The following TRMT11 variants were observed in gnomAD, a reference collection of about 807,000 sequenced individuals.
TRMT11 encodes the protein tRNA (guanine(10)-N(2))-methyltransferase TRMT11.
TRMT11 carries 53 observed loss-of-function variants against 62.8 expected under a neutral mutation model. That is an observed-to-expected ratio of 0.84 (90% CI 0.68 to 1.06). The LOEUF (loss-of-function observed/expected upper bound fraction) is 1.06, where lower values mean the gene tolerates loss of function less well. TRMT11 is among the 50% of genes least tolerant of loss of function. The pLI, the probability that TRMT11 is intolerant of heterozygous loss-of-function variation, is 0.00. For synonymous variants in TRMT11, 188 were observed against 190.3 expected, an observed-to-expected ratio of 0.99 and a Z score of 0.10; for missense variants, 556 against 553.4, an observed-to-expected ratio of 1.00 and a Z score of -0.05.
At chr6:126,267,187 A>G in the TRMT11 span, among the ~76,000 whole-genome samples, 5 of 152,210 alleles carry the variant, frequency 3.3e-5, no homozygotes, top group African/African-American at 1.2e-4. Context: ...AGTCAAGGTC[A>G]CAGTTTCTTA....
chr6:126,062,164 G>T (rs1387487299), intron 17 of TRMT11, among the ~76,000 whole-genome samples: 2 of 152,204 alleles, frequency 1.3e-5, no homozygotes, highest in African/African-American at 4.8e-5. Flanking sequence ...GCGATCACAG[G>T]TGTGAGCCAC....
chr6:126,064,792 T>C (rs1003248242), intron 17 of TRMT11, among the ~76,000 whole-genome samples: 9 of 152,244 alleles, frequency 5.9e-5, no homozygotes, highest in Non-Finnish European at 1.0e-4. Flanking sequence ...ATGTTTACTT[T>C]AAAAATCTGT....
At chr6:126,127,488 T>C (rs1777730958) in intron 21 of TRMT11, among the ~76,000 whole-genome samples, 1 of 150,440 alleles carries the variant, frequency 6.6e-6, no homozygotes, top group Non-Finnish European at 1.5e-5. Context: ...ATCCAAATCT[T>C]TTTTTTTTAA....
Position 126,089,103 on chromosome 6 carries a change from T to G in TRMT11, c.*1438-23763T>G, listed in dbSNP as rs1777245066. 3.9e-5 allele frequency among the ~76,000 whole-genome samples: 6 copies of G among 152,114 alleles called. No individual in the cohort carries two copies. The South Asian group carries it at 1.2e-3, about 32-fold the overall frequency. ...ACATATTATACTCTCTGCAAAGCTC[T>G]TTACATGTAATCTTTTTTTTTTTTT... is the stretch of plus-strand genomic sequence containing the variant. On this transcript the variant is annotated intron_variant and NMD_transcript_variant, in intron 17 of 22. Coordinates refer to the TRMT11 transcript ENST00000648977.
intron 12 of TRMT11, among the ~76,000 whole-genome samples, chr6:126,029,426 T>C (rs1402653676): frequency 6.6e-6 from 1 of 152,178 alleles, no homozygotes; most frequent in African/African-American, 2.4e-5. Flanking sequence ...ATTCTGACTG[T>C]TACGGTAATC....
intron 21 of TRMT11, among the ~76,000 whole-genome samples, chr6:126,151,676 C>T (rs908449293): frequency 3.3e-5 from 5 of 151,876 alleles, no homozygotes; most frequent in African/African-American, 1.2e-4. Flanking sequence ...GTAGACTATC[C>T]CCACTGTCTC....
intron 21 of TRMT11, among the ~76,000 whole-genome samples, chr6:126,166,464 G>C (rs1318156171): frequency 6.6e-6 from 1 of 152,164 alleles, no homozygotes; most frequent in Non-Finnish European, 1.5e-5. Context: ...ACCAGCGGAG[G>C]CTGCAGAACA....
chr6:126,176,519 C>A (rs1344168583), upstream of TRMT11, among the ~76,000 whole-genome samples: 2 of 152,084 alleles, frequency 1.3e-5, no homozygotes, highest in African/African-American at 4.8e-5. Flanking sequence ...TTGTAGTGTG[C>A]AATTTTAAGA....
chr6:126,038,723 C>T lies in TRMT11; in HGVS notation c.1279C>T (p.His427Tyr). Residue 427 changes from histidine (H) to tyrosine (Y), a missense_variant, in exon 13 of 13, where the codon CAT becomes TAT. His to Tyr is a moderately conservative substitution (Grantham distance 83). Coordinates refer to ENST00000334379, the MANE Select transcript of TRMT11 (RefSeq NM_001031712.3). ...KKFENRDQYS[H>Y]LLSDHFLPYQ... ...CAAACAGAATCGGGACCAGTATTCA[C>T]ATCTGCTAAGTGATCATTTTCTGCC... 5 of 1,587,594 alleles carry T rather than the reference C, an allele frequency of 3.1e-6. No individual in the cohort carries two copies. Among genetic ancestry groups the T allele is most frequent in the Non-Finnish European group, 4.3e-6 (5 of 1,170,640 alleles).
chr6:126,225,419 C>T, the TRMT11 span, among the ~76,000 whole-genome samples: 10 of 152,000 alleles, frequency 6.6e-5, no homozygotes, highest in Admixed American at 2.0e-4. Flanking sequence ...GGGTTCCCAG[C>T]TTCCTCTCCC....
chr6:126,241,264 A>C, the TRMT11 span, among the ~76,000 whole-genome samples: 1 of 152,156 alleles, frequency 6.6e-6, no homozygotes, highest in Admixed American at 6.5e-5. Flanking sequence ...GAAATGCAGA[A>C]ATCATCCGTC....
chr6:126,246,807 T>G, the TRMT11 span, among the ~76,000 whole-genome samples: 1 of 152,104 alleles, frequency 6.6e-6, no homozygotes, highest in Admixed American at 6.5e-5. Context: ...AAAATAAAAC[T>G]TAAAAGTACC....
chr6:126,044,736 G>A (rs1444438700), intron 16 of TRMT11, among the ~76,000 whole-genome samples: 1 of 152,106 alleles, frequency 6.6e-6, no homozygotes, highest in Non-Finnish European at 1.5e-5. Flanking sequence ...TCCTTTCAGA[G>A]TAAAGGCATG....
At chr6:126,115,068 A>G (rs574700731) in intron 19 of TRMT11, among the ~76,000 whole-genome samples, 8 of 151,974 alleles carry the variant, frequency 5.3e-5, no homozygotes, top group South Asian at 2.1e-4. Context: ...TTCCCCCTCC[A>G]TATACTGTGC....
chr6:126,198,000 T>C (rs1778686088), intron 1 of TRMT11, among the ~76,000 whole-genome samples: 1 of 152,172 alleles, frequency 6.6e-6, no homozygotes, highest in Admixed American at 6.5e-5. Context: ...AAGCTCCTTA[T>C]CAGTCAACTT....
At chr6:126,031,440 A>G (rs1268121) in intron 12 of TRMT11, among the ~76,000 whole-genome samples, 20,554 of 152,102 alleles carry the variant, frequency 0.14, 1,680 homozygotes, top group Middle Eastern at 0.19. Flanking sequence ...AGAAATGGCC[A>G]CTCAAACCAT....
At chr6:126,067,928 G>T (rs1445980457) in intron 17 of TRMT11, among the ~76,000 whole-genome samples, 4 of 152,092 alleles carry the variant, frequency 2.6e-5, no homozygotes, top group Non-Finnish European at 5.9e-5. Context: ...GCTTTAATAA[G>T]ATACTGTTTC....
At chr6:126,049,021 A>G (rs999907022) in intron 16 of TRMT11, among the ~76,000 whole-genome samples, 1 of 152,174 alleles carries the variant, frequency 6.6e-6, no homozygotes, top group Non-Finnish European at 1.5e-5. Context: ...AAGCCACTCA[A>G]TCATGGGCTA....
At chr6:126,014,487 G>T (rs989266515) in intron 11 of TRMT11, among the ~76,000 whole-genome samples, 7 of 152,136 alleles carry the variant, frequency 4.6e-5, no homozygotes, top group African/African-American at 1.4e-4. Flanking sequence ...CTGACCTCAT[G>T]ATCCACCCAC....
Sources: allele counts gnomAD v4.1 joint callset (sites outside exome capture counted in the v4.1 genomes callset), GRCh38; gene constraint gnomAD v4.1.1; transcripts MANE v1.5; gene names NCBI Gene and HGNC (gene_info 2026-07-23, HGNC 2026-07-21).